HECW1: variants seen among roughly 807,000 people sequenced by gnomAD.
HECW1 encodes the protein HECT, C2 and WW domain containing E3 ubiquitin protein ligase 1.
HECW1 carries 61 observed loss-of-function variants against 182.3 expected under a neutral mutation model. That is an observed-to-expected ratio of 0.33 (90% CI 0.27 to 0.41). The LOEUF (loss-of-function observed/expected upper bound fraction) is 0.41. HECW1 is among the 10% of genes least tolerant of loss of function. The pLI is 1.00. For synonymous variants in HECW1, 859 were observed against 832.6 expected (o/e 1.03, Z -0.55); for missense variants, 1,739 against 2,108.9 (o/e 0.82, Z 3.44).
At chr7:43,302,677 C>T (rs753196814) in intron 3 of HECW1, among the ~76,000 whole-genome samples, 7 of 152,162 alleles carry the variant, frequency 4.6e-5, no homozygotes, top group African/African-American at 7.2e-5. Flanking sequence ...CTGTATGGTC[C>T]GCAGGGCTCC....
intron 29 of HECW1, among the ~76,000 whole-genome samples, chr7:43,561,137 G>A (rs2082194868): frequency 6.6e-6 from 1 of 152,216 alleles, no homozygotes; most frequent in Admixed American, 6.5e-5. Flanking sequence ...CCTCTGGCGA[G>A]GAAGACATTC....
intron 3 of HECW1, among the ~76,000 whole-genome samples, chr7:43,309,017 C>A (rs1325139911): frequency 1.3e-5 from 2 of 152,122 alleles, no homozygotes; most frequent in Non-Finnish European, 2.9e-5. Flanking sequence ...GCTTTGGGGG[C>A]TTTTCATGGC....
intron 3 of HECW1, among the ~76,000 whole-genome samples, chr7:43,296,686 G>C (rs190272069): frequency 1.3e-5 from 2 of 152,122 alleles, no homozygotes; most frequent in Admixed American, 6.5e-5. Context: ...GGCCAAATGC[G>C]AACTAATGGA....
chr7:43,267,986 A>G (rs1397320439), intron 3 of HECW1, among the ~76,000 whole-genome samples: 1 of 150,640 alleles, frequency 6.6e-6, no homozygotes, highest in East Asian at 2.0e-4. Flanking sequence ...GCAGTACAAA[A>G]TTCACCTGAT....
chr7:43,140,660 C>T (rs902648265), intron 2 of HECW1, among the ~76,000 whole-genome samples: 3 of 152,194 alleles, frequency 2.0e-5, no homozygotes, highest in Admixed American at 6.5e-5. Flanking sequence ...TATTCTCCCA[C>T]GAGATTAGGA....
At chr7:43,361,127 T>A in intron 6 of HECW1, 147 bp downstream of exon 6, 1 of 543,480 alleles carries the variant, frequency 1.8e-6, no homozygotes, top group Non-Finnish European at 3.2e-6. Flanking sequence ...TACTGATAGA[T>A]TGATTATGAA....
chr7:43,233,772 A>G (rs760474957), intron 2 of HECW1, among the ~76,000 whole-genome samples: 1 of 152,166 alleles, frequency 6.6e-6, no homozygotes, highest in African/African-American at 2.4e-5. Flanking sequence ...TCAGTCTCAA[A>G]GCCTCCACTT....
At chr7:43,417,732 G>A (rs2076058923) in intron 8 of HECW1, among the ~76,000 whole-genome samples, 1 of 152,088 alleles carries the variant, frequency 6.6e-6, no homozygotes. Context: ...ACTGTGTTAT[G>A]GTCTCCATAG....
At chr7:43,297,379 G>A (rs1028205980) in intron 3 of HECW1, among the ~76,000 whole-genome samples, 4 of 152,188 alleles carry the variant, frequency 2.6e-5, no homozygotes, top group African/African-American at 9.7e-5. Flanking sequence ...TATGAAAATT[G>A]CTTTTTATCA....
intron 6 of HECW1, among the ~76,000 whole-genome samples, chr7:43,375,733 A>C (rs1343819841): frequency 6.6e-6 from 1 of 151,824 alleles, no homozygotes; most frequent in Non-Finnish European, 1.5e-5. Flanking sequence ...TCTCTACAAA[A>C]ACTACAAAAA....
intron 26 of HECW1, among the ~76,000 whole-genome samples, chr7:43,542,824 C>T (rs1321111094): frequency 6.6e-6 from 1 of 152,206 alleles, no homozygotes; most frequent in African/African-American, 2.4e-5. Context: ...AATAAATCTG[C>T]CCGTGTCCTC....
intron 2 of HECW1, among the ~76,000 whole-genome samples, chr7:43,235,311 A>G (rs1584102186): frequency 6.6e-6 from 1 of 152,144 alleles, no homozygotes. Context: ...TTGATGGGGG[A>G]CCTCTGTCCT....
At chr7:43,522,712 C>T (rs1403984399) in intron 24 of HECW1, among the ~76,000 whole-genome samples, 1 of 152,212 alleles carries the variant, frequency 6.6e-6, no homozygotes, top group Non-Finnish European at 1.5e-5. Flanking sequence ...AGGGCCTACA[C>T]CAAACCCCCT....
chr7:43,460,537 C>T (rs892680152), intron 13 of HECW1, among the ~76,000 whole-genome samples: 12 of 151,454 alleles, frequency 7.9e-5, no homozygotes, highest in South Asian at 4.2e-4. Context: ...TGTGTGCGCG[C>T]GTGCGTGTGT....
At chr7:43,348,260 G>A (rs1813946720) in intron 5 of HECW1, among the ~76,000 whole-genome samples, 1 of 152,046 alleles carries the variant, frequency 6.6e-6, no homozygotes, top group South Asian at 2.1e-4. Context: ...ATTTTTCCAG[G>A]AATTTATCCA....
At chr7:43,224,883 G>A (rs1025496675) in intron 2 of HECW1, among the ~76,000 whole-genome samples, 3 of 152,232 alleles carry the variant, frequency 2.0e-5, no homozygotes, top group Admixed American at 6.5e-5. Context: ...CAGGAGGGAC[G>A]TGGGTGTAGT....
rs143662721 is a variant in HECW1, at chr7:43,400,628, C to T, written c.631+3739C>T. Among the ~76,000 whole-genome samples the T allele has an allele frequency of 3.2e-3, 489 of 152,230 alleles. 1 individual carries two copies. Among genetic ancestry groups the T allele is most frequent in the Non-Finnish European group, 5.1e-3 (349 of 68,008 alleles). ...CAACAAAATAGAGGGAAGTGCAGAGCATATTAAATAAGAGATCAAAGATGA... is the reference window on the plus strand; with the variant it reads ...CAACAAAATAGAGGGAAGTGCAGAGTATATTAAATAAGAGATCAAAGATGA... On this transcript the variant is annotated intron_variant, in intron 7 of 29. Coordinates refer to ENST00000395891, the MANE Select transcript of HECW1 (RefSeq NM_015052.5).
rs552922304 is a variant in HECW1 at position 43,557,733 on chromosome 7, C to G, written c.4709+2943C>G. Among the ~76,000 whole-genome samples, 4 of 152,168 alleles carry G rather than the reference C, an allele frequency of 2.6e-5. No individual in the cohort carries two copies. The South Asian group carries it at 8.3e-4, about 32-fold the overall frequency. ...TCACTGATTTTCAAGCTTCTTAAAC[C>G]ATAGTCCACAGAAAGAAATGCCTTT... On this transcript the variant is annotated intron_variant, in intron 29 of 29. Transcript: ENST00000395891.
At chr7:43,168,337 C>T (rs917148714) in intron 2 of HECW1, among the ~76,000 whole-genome samples, 8 of 152,114 alleles carry the variant, frequency 5.3e-5, no homozygotes, top group Admixed American at 3.3e-4. Context: ...TACAGGTGAA[C>T]ACACAGAGAC....
Sources: allele counts gnomAD v4.1 joint callset (sites outside exome capture counted in the v4.1 genomes callset), GRCh38; gene constraint gnomAD v4.1.1; transcripts MANE v1.5; gene names NCBI Gene and HGNC (gene_info 2026-07-23, HGNC 2026-07-21).